Variants in LPCAT4 observed in about 807,000 individuals in gnomAD.
LPCAT4 encodes the protein lysophospholipid acyltransferase LPCAT4.
A neutral mutation model predicts 66.5 loss-of-function variants in LPCAT4; 30 were observed. The ratio of observed to expected loss-of-function variants is 0.45; its 90% confidence interval spans 0.34 to 0.61. LPCAT4 has a LOEUF of 0.61. Among genes scored for constraint, LPCAT4 ranks in the 20% least tolerant of loss-of-function variants. The pLI, the probability that LPCAT4 is intolerant of heterozygous loss-of-function variation, is 0.01. For synonymous variants in LPCAT4, 253 were observed against 262.1 expected (o/e 0.97, Z 0.34); for missense variants, 557 against 656.7 (o/e 0.85, Z 1.66).
At chr15:34,362,138 T>TTCTCTC (rs3053160) in intron 10 of LPCAT4, 58 bp downstream of exon 10, 255,793 of 1,477,692 alleles carry the variant, frequency 0.17, 6,850 homozygotes, top group African/African-American at 0.31. Context: ...CCCCTTCTTA[T>TTCTCTC]TCTCTCTCTC....
chr15:34,361,139 A>G lies in LPCAT4; in HGVS notation c.1143+261T>C, dbSNP rs138034340. On this transcript the variant is annotated intron_variant, in intron 11 of 13. Transcript: ENST00000314891. ...TGATTCCCCACCTTCGCCACTCTCT[A>G]AAGTGGTTTCAGAAATTTATAGTCC... The G allele has an allele frequency of 4.9e-4, 616 of 1,262,844 alleles. 3 individuals are homozygous for G. In the African/African-American group the frequency reaches 7.9e-3, roughly 16 times the overall value. 78.2% of individuals were successfully genotyped at this position (1,262,844 alleles called of 1,614,324 possible).
In LPCAT4 at chr15:34,359,710, G is replaced by A; in HGVS notation, c.1278C>T (p.Arg426=). The A allele has an allele frequency of 6.2e-7, 1 of 1,613,722 alleles. No individual in the cohort carries two copies. ...TGCTGAAGCCGTCTTTGTACAGCAG[G>A]CGGTTGGGACCCTCTGCTTGCTCTT... ...FAEEQAEGPN[R]LLYKDGFSTI... Residue 426 remains arginine, a synonymous_variant, in exon 13 of 14, where the codon CGC becomes CGT. Transcript: ENST00000314891.
In LPCAT4 at chr15:34,358,656, C is replaced by T. The variant is rs1890868034; in HGVS notation, c.*471G>A. 6.6e-6 allele frequency: 1 copy of T among 152,412 alleles called. No homozygotes were observed. Among genetic ancestry groups the T allele is most frequent in the South Asian group, 2.1e-4 (1 of 4,826 alleles). 9.4% of individuals were successfully genotyped at this position (152,412 alleles called of 1,614,324 possible). On this transcript the variant is annotated 3_prime_UTR_variant, in exon 14 of 14. Coordinates refer to ENST00000314891, the MANE Select transcript of LPCAT4 (RefSeq NM_153613.3). ...GCTATTTTTTAATCTTTAATGAGGA[C>T]AGAGCAAGAGGGAATGGGCTGAAAA...
rs964431480 is a variant in LPCAT4 at position 34,359,317 on chromosome 15, G to T, written c.1400-15C>A. The T allele has an allele frequency of 1.4e-6, 2 of 1,479,248 alleles. No individual in the cohort carries two copies. The highest frequency in any genetic ancestry group is 2.9e-5 in the African/African-American group (2 of 70,102). The allele number at this position is 1,479,248 out of a possible 1,614,324, so 91.6% of individuals were successfully genotyped here. A position where few individuals can be genotyped will look rare whatever the true frequency, so the allele number is the denominator to read the frequency against. On this transcript the variant is annotated splice_polypyrimidine_tract_variant and intron_variant, in intron 13 of 13. Transcript: ENST00000314891. ...CTGGAACTGACCTGGACAAATAAGA[G>T]ATGGGGAAAAGTGAAAAGATCTAAG...
In LPCAT4 at chr15:34,365,647, C is replaced by CGATAAAGGCCA; in HGVS notation, c.158_168dup (p.Val57TrpfsTer42). On this transcript the variant is annotated frameshift_variant, in exon 2 of 14. Transcript: ENST00000314891. LOFTEE classifies it high-confidence loss of function. The stretch of plus-strand genomic sequence containing the variant: ...GCAAAGGGCCAGAGGAGAAAGAGGA[C>CGATAAAGGCCA]GATAAAGGCCAGAAGCACTCGGATG... 1 of 1,614,132 alleles carries CGATAAAGGCCA rather than the reference C, an allele frequency of 6.2e-7. No homozygotes were observed. The highest frequency in any genetic ancestry group is 2.2e-5 in the East Asian group (1 of 44,880).
rs1343702029 is a variant in LPCAT4 at position 34,364,233 on chromosome 15, C to G, written c.552G>C (p.Glu184Asp). The G allele has an allele frequency of 2.5e-6, 4 of 1,613,892 alleles. No individual in the cohort carries two copies. Among genetic ancestry groups the G allele is most frequent in the Non-Finnish European group, 3.4e-6 (4 of 1,179,888 alleles). ...CTCCTGAGGTGGCCCGCCTTCGGAC[C>G]TCCTCCACCACTCTGCGTCGAGAAG... Reference protein sequence around the residue: ...DPASRRRVVEEVRRRATSGGK... With the variant: ...DPASRRRVVEDVRRRATSGGK... The change falls in exon 4 of 14, where the codon GAG becomes GAC. Residue 184 changes from glutamate to aspartate, a missense_variant. By Grantham distance (45) the Glu-to-Asp change is conservative. This residue lies in a region of LPCAT4 where 392 missense variants were observed against 473.9 expected (regional missense o/e 0.83). Coordinates refer to ENST00000314891, the MANE Select transcript of LPCAT4 (RefSeq NM_153613.3).
In LPCAT4 at chr15:34,364,228, C is replaced by A. The variant is rs375275608; in HGVS notation, c.557G>T (p.Arg186Leu). ...CTTGCCTCCTGAGGTGGCCCGCCTT[C>A]GGACCTCCTCCACCACTCTGCGTCG... is the stretch of plus-strand genomic sequence containing the variant. The part of the protein sequence containing the change: ...ASRRRVVEEV[R>L]RRATSGGKWP... The change falls in exon 4 of 14, where the codon CGA becomes CTA. Residue 186 changes from arginine (R) to leucine (L), a missense_variant. Transcript: ENST00000314891. The A allele has an allele frequency of 1.9e-6, 3 of 1,613,986 alleles. No individual in the cohort carries two copies. The highest frequency in any genetic ancestry group is 3.3e-5 in the Admixed American group (2 of 60,018).
chr15:34,367,128 C>A lies in LPCAT4; in HGVS notation c.-28G>T, dbSNP rs1333886851. 2.6e-6 allele frequency: 4 copies of A among 1,511,964 alleles called. No individual in the cohort carries two copies. The highest frequency in any genetic ancestry group is 5.1e-5 in the East Asian group (2 of 39,564). 93.7% of individuals were successfully genotyped at this position (1,511,964 alleles called of 1,614,324 possible). Reference sequence around the variant, plus strand: ...CGGGAGAAGGTGGGAGGGAGGGCACCCCGGCCCTGGCCCCGGCCACCACTC... The same window carrying A: ...CGGGAGAAGGTGGGAGGGAGGGCACACCGGCCCTGGCCCCGGCCACCACTC... On this transcript the variant is annotated 5_prime_UTR_variant, in exon 1 of 14. Transcript: ENST00000314891.
In LPCAT4 at chr15:34,364,081, A is replaced by G. The variant is rs1891012039; in HGVS notation, c.592-8T>C. The stretch of plus-strand genomic sequence containing the variant: ...CTCAGGAAAGAATAGCACCTGGGGT[A>G]AAAAAGAGCAGAATGAGGTGAAGAA... On this transcript the variant is annotated splice_region_variant and splice_polypyrimidine_tract_variant and intron_variant, in intron 4 of 13. Transcript: ENST00000314891. 1.9e-6 allele frequency: 3 copies of G among 1,612,042 alleles called. No homozygotes were observed. Among genetic ancestry groups the G allele is most frequent in the Non-Finnish European group, 1.7e-6 (2 of 1,178,178 alleles).
At chr15:34,362,472 C>T in intron 9 of LPCAT4, 101 bp downstream of exon 9, 3 of 1,402,362 alleles carry the variant, frequency 2.1e-6, no homozygotes, top group Middle Eastern at 2.2e-4. Context: ...CTTCCCACTG[C>T]CTGCTCCTCG....
In LPCAT4 at chr15:34,365,626, A is replaced by C; in HGVS notation, c.190T>G (p.Phe64Val). The C allele has an allele frequency of 6.2e-7, 1 of 1,614,196 alleles. No homozygotes were observed. Among genetic ancestry groups the C allele is most frequent in the South Asian group, 1.1e-5 (1 of 91,080 alleles). ...AFIVLFLLWPFAWLQVAGLSE... is the reference protein window; with the variant it reads ...AFIVLFLLWPVAWLQVAGLSE... The stretch of plus-strand genomic sequence containing the variant: ...AGACCGGCCACTTGAAGCCAGGCAA[A>C]GGGCCAGAGGAGAAAGAGGACGATA... The change falls in exon 2 of 14, where the codon TTT becomes GTT. Residue 64 changes from phenylalanine (F) to valine (V), a missense_variant. Physicochemically the swap from Phe to Val is conservative, Grantham distance 50. Coordinates refer to ENST00000314891, the MANE Select transcript of LPCAT4 (RefSeq NM_153613.3).
Position 34,365,237 on chromosome 15 carries a change from G to A in LPCAT4, c.258-9C>T. The A allele has an allele frequency of 6.3e-7, 1 of 1,595,786 alleles. No individual in the cohort carries two copies. Among genetic ancestry groups the A allele is most frequent in the Non-Finnish European group, 8.5e-7 (1 of 1,171,736 alleles). On this transcript the variant is annotated splice_polypyrimidine_tract_variant and intron_variant, in intron 2 of 13. Transcript: ENST00000314891. ...CGTTGTGGCACACAGTCCTGCCAGG[G>A]CAAGGCTGGGTATCAGCGGAAGCAG...
chr15:34,359,837 CA>C, intron 12 of LPCAT4, 92 bp from the exon 13 acceptor site: 1 of 1,370,026 alleles, frequency 7.3e-7, no homozygotes, highest in Non-Finnish European at 9.9e-7. Context: ...CCTCCTCTTC[CA>C]AAAGGGTGGT....
rs371630230 is a variant in LPCAT4 at position 34,361,360 on chromosome 15, A to T, written c.1143+40T>A. On this transcript the variant is annotated intron_variant, in intron 11 of 13. Coordinates refer to ENST00000314891, the MANE Select transcript of LPCAT4 (RefSeq NM_153613.3). ...CTAGGAACATGTCAGCCTGGAGGGA[A>T]GCCTGGGTTCTGCTCTGCTCTTTGT... 8 of 1,612,466 alleles carry T rather than the reference A, an allele frequency of 5.0e-6. No homozygotes were observed. In the African/African-American group the frequency reaches 8.0e-5, roughly 16 times the overall value.
In LPCAT4 at chr15:34,367,072, G is replaced by T. The variant is rs1446532520; in HGVS notation, c.29C>A (p.Ala10Asp). 7.2e-6 allele frequency: 11 copies of T among 1,536,182 alleles called. No homozygotes were observed. The highest frequency in any genetic ancestry group is 2.0e-5 in the Admixed American group (1 of 50,560). The stretch of plus-strand genomic sequence containing the variant: ...GGGTCCGGGGGTGGGATCTAGGGGG[G>T]CCCAGTCCCCCGGACTTCCCTGGCT... The part of the protein sequence containing the change: MSQGSPGDW[A>D]PLDPTPGPPA... The change falls in exon 1 of 14, where the codon GCC becomes GAC. Residue 10 changes from alanine to aspartate, a missense_variant. Ala to Asp is a moderately radical substitution (Grantham distance 126). Transcript: ENST00000314891.
rs1228432199 is a variant in LPCAT4, at chr15:34,360,139, A to C, written c.1214T>G (p.Leu405Arg). ...ALAALDGGRS[L>R]EELTRLAFEL... ...AAAGGCCAGACGAGTTAGCTCTTCC[A>C]GGCTCCTGCCCCCATCCAGAGCTGC... Residue 405 changes from leucine (L) to arginine (R), a missense_variant, in exon 12 of 14, where the codon CTG (leucine) becomes CGG (arginine). By Grantham distance (102) the Leu-to-Arg change is moderately radical. This residue lies in a region of LPCAT4 where 392 missense variants were observed against 473.9 expected (regional missense o/e 0.83). Transcript: ENST00000314891. The C allele has an allele frequency of 6.2e-7, 1 of 1,608,170 alleles. No individual in the cohort carries two copies. The highest frequency in any genetic ancestry group is 2.2e-5 in the East Asian group (1 of 44,586).
intron 11 of LPCAT4, 130 bp from the exon 12 acceptor site, chr15:34,360,339 G>C (rs1306459070): frequency 1.5e-6 from 1 of 688,134 alleles, no homozygotes; most frequent in East Asian, 2.7e-5. Context: ...TCAGAACTGT[G>C]AGCTCCAAAC....
At position 34,363,414 on chromosome 15, in the gene LPCAT4, G is replaced by C; in HGVS notation, c.746+8C>G. On this transcript the variant is annotated splice_region_variant and intron_variant, in intron 7 of 13. Transcript: ENST00000314891. This position sits in a 1 kb window ranked among gnomAD's most constrained non-coding sequence, Gnocchi z 4.3. ...CCCACCCTCACCCCCAGGAATACCA[G>C]AACTCACACTCCAGGACCCCTCCAT... is the stretch of plus-strand genomic sequence containing the variant. The C allele has an allele frequency of 6.2e-7, 1 of 1,613,792 alleles. No individual in the cohort carries two copies. The highest frequency in any genetic ancestry group is 8.5e-7 in the Non-Finnish European group (1 of 1,179,898).
chr15:34,359,762 A>G lies in LPCAT4; in HGVS notation c.1243-17T>C, dbSNP rs769174872. Reference sequence around the variant, plus strand: ...AGCAAAGAGCTTGGGAGAGAAAGGGATAAGAGTCAAGTTCTCTCCTCATGC... The same window carrying G: ...AGCAAAGAGCTTGGGAGAGAAAGGGGTAAGAGTCAAGTTCTCTCCTCATGC... On this transcript the variant is annotated splice_polypyrimidine_tract_variant and intron_variant, in intron 12 of 13. Transcript: ENST00000314891. The G allele has an allele frequency of 2.8e-5, 45 of 1,604,024 alleles. No individual in the cohort carries two copies. In the Middle Eastern group the frequency reaches 1.1e-3, roughly 40 times the overall value.
Sources: allele counts gnomAD v4.1 joint callset, GRCh38; gene constraint gnomAD v4.1.1; regional missense constraint gnomAD v4.1.1; non-coding constraint Gnocchi (gnomAD v3.1); transcripts MANE v1.5; gene names NCBI Gene and HGNC (gene_info 2026-07-23, HGNC 2026-07-21).